Variants in GPR55 observed in about 807,000 individuals in gnomAD.
GPR55 encodes G protein-coupled receptor 55, also known as G-protein coupled receptor 55.
GPR55 carries 6 observed loss-of-function variants against 7.9 expected under a neutral mutation model. That is an observed-to-expected ratio of 0.76 (90% CI 0.41 to 1.49). GPR55 has a LOEUF of 1.49. GPR55 is among the 40% of genes most tolerant of loss of function. The pLI, the probability that GPR55 is intolerant of heterozygous loss-of-function variation, is 0.01. For missense variants in GPR55, 376 were observed against 406.0 expected (o/e 0.93, Z 0.63); for synonymous variants, 183 against 166.8 (o/e 1.10, Z -0.75).
rs561078152 is a variant in GPR55, at chr2:230,925,206, G to A, written c.-173C>T. 1 of 152,846 alleles carries A rather than the reference G, an allele frequency of 6.5e-6. No homozygotes were observed. Among genetic ancestry groups the A allele is most frequent in the Non-Finnish European group, 1.5e-5 (1 of 68,108 alleles). The allele number at this position is 152,846 out of a possible 1,614,324, so 9.5% of individuals were successfully genotyped here. A position where few individuals can be genotyped will look rare whatever the true frequency, so the allele number is the denominator to read the frequency against. ...GGTGCAGCTGAGAGGGCTGAGAGAT[G>A]TCATTTCTCCTCCAGGCCTGGCTGT... On this transcript the variant is annotated 5_prime_UTR_variant, in exon 1 of 2. Transcript: ENST00000650999.
chr2:230,947,664 A>G (rs1317191286), intron 1 of GPR55, among the ~76,000 whole-genome samples: 1 of 151,672 alleles, frequency 6.6e-6, no homozygotes, highest in Non-Finnish European at 1.5e-5. Flanking sequence ...CCACCATGCC[A>G]GGCTAATTTT....
At chr2:230,938,571 G>A (rs1301213188) in intron 1 of GPR55, among the ~76,000 whole-genome samples, 1 of 152,182 alleles carries the variant, frequency 6.6e-6, no homozygotes, top group Admixed American at 6.5e-5. Flanking sequence ...GTTTGACTGG[G>A]GCTGAGGATG....
In GPR55 at chr2:230,924,371, AGCCCAGGTGAAGCCAG is replaced by A. The variant is rs1264662175; in HGVS notation, c.-135+781_-135+796del. 2.6e-5 allele frequency among the ~76,000 whole-genome samples: 4 copies of A among 152,132 alleles called. No homozygotes were observed. Among genetic ancestry groups the A allele is most frequent in the Non-Finnish European group, 1.5e-5 (1 of 68,004 alleles). On this transcript the variant is annotated intron_variant, in intron 1 of 1. Coordinates refer to ENST00000650999, the MANE Select transcript of GPR55 (RefSeq NM_005683.4). This position sits in a 1 kb window ranked among gnomAD's most constrained non-coding sequence, Gnocchi z 4.5. The stretch of plus-strand genomic sequence containing the variant: ...ATCCCCACTGCCTCGGGCAGCACAA[AGCCCAGGTGAAGCCAG>A]GCCAGCCAGACATGTCCTGACTTTG...
intron 1 of GPR55, among the ~76,000 whole-genome samples, chr2:230,934,277 G>A (rs909272517): frequency 9.8e-5 from 15 of 152,298 alleles, no homozygotes; most frequent in African/African-American, 3.1e-4. Flanking sequence ...ATCAGGGCCA[G>A]CACCTCTCTG....
At chr2:230,912,180 G>A (rs1246891953) in intron 1 of GPR55, among the ~76,000 whole-genome samples, 4 of 152,132 alleles carry the variant, frequency 2.6e-5, no homozygotes, top group Non-Finnish European at 4.4e-5. Context: ...TAGAGCACAG[G>A]GGCATGGCAT....
chr2:230,923,237 A>G lies in GPR55; in HGVS notation c.-135+1931T>C, dbSNP rs1317860107. 6.6e-6 allele frequency among the ~76,000 whole-genome samples: 1 copy of G among 152,198 alleles called. No homozygotes were observed. Among genetic ancestry groups the G allele is most frequent in the African/African-American group, 2.4e-5 (1 of 41,446 alleles). On this transcript the variant is annotated intron_variant, in intron 1 of 1. Transcript: ENST00000650999. The surrounding 1 kb of genome is among the most constrained non-coding windows in gnomAD (Gnocchi z 4.1). ...GACTTTCCAGAGAACACAAGCAACA[A>G]GAAGATCACAACCCTAAGGAGGGTT...
intron 1 of GPR55, among the ~76,000 whole-genome samples, chr2:230,914,918 C>G (rs1227952639): frequency 6.6e-6 from 1 of 152,190 alleles, no homozygotes; most frequent in Admixed American, 6.5e-5. Context: ...GTGGGGTGAG[C>G]CTTCAGACCA....
intron 1 of GPR55, among the ~76,000 whole-genome samples, chr2:230,941,119 G>A (rs77476971): frequency 3.5e-4 from 51 of 147,748 alleles, no homozygotes; most frequent in African/African-American, 1.1e-3. Flanking sequence ...TCCATCTCCA[G>A]AAAAAAAAAA....
At chr2:230,954,914 C>G (rs765655855) in intron 1 of GPR55, among the ~76,000 whole-genome samples, 8 of 152,210 alleles carry the variant, frequency 5.3e-5, no homozygotes, top group Non-Finnish European at 1.0e-4. Context: ...TGTACTCTTT[C>G]TCCCTGAGCC....
At chr2:230,960,202 G>A (rs1015057609) in intron 1 of GPR55, among the ~76,000 whole-genome samples, 1 of 152,224 alleles carries the variant, frequency 6.6e-6, no homozygotes, top group African/African-American at 2.4e-5. Context: ...GGTCAGGGAA[G>A]GCTGAGCCTT....
At chr2:230,960,741 A>G (rs1048611872) in intron 1 of GPR55, 5 of 152,210 alleles carry the variant, frequency 3.3e-5, no homozygotes, top group Admixed American at 6.5e-5. Context: ...CTAAAAATAG[A>G]AGAGACAGAG....
chr2:230,924,144 C>T lies in GPR55; in HGVS notation c.-135+1024G>A, dbSNP rs946002023. On this transcript the variant is annotated intron_variant, in intron 1 of 1. Coordinates refer to ENST00000650999, the MANE Select transcript of GPR55 (RefSeq NM_005683.4). This position sits in a 1 kb window ranked among gnomAD's most constrained non-coding sequence, Gnocchi z 4.5. The stretch of plus-strand genomic sequence containing the variant: ...ACCATGTCCCTTTCACCTTTATCAC[C>T]GAGCCTCACATACAGTTTGTCGTTG... Among the ~76,000 whole-genome samples, 2 of 152,084 alleles carry T rather than the reference C, an allele frequency of 1.3e-5. No homozygotes were observed. Among genetic ancestry groups the T allele is most frequent in the South Asian group, 2.1e-4 (1 of 4,812 alleles).
intron 1 of GPR55, among the ~76,000 whole-genome samples, chr2:230,949,423 A>G (rs1007361401): frequency 2.6e-5 from 4 of 152,176 alleles, no homozygotes; most frequent in Non-Finnish European, 5.9e-5. Context: ...TGGCCTCCCA[A>G]TGTGCTGAGA....
intron 1 of GPR55, among the ~76,000 whole-genome samples, chr2:230,947,215 A>G (rs1419007190): frequency 6.6e-6 from 1 of 152,306 alleles, no homozygotes; most frequent in Admixed American, 6.5e-5. Flanking sequence ...CCCCTTGGTC[A>G]GCACCACCAG....
chr2:230,946,596 G>A (rs996223450), intron 1 of GPR55, among the ~76,000 whole-genome samples: 17 of 152,210 alleles, frequency 1.1e-4, no homozygotes, highest in Admixed American at 2.6e-4. Flanking sequence ...AAGATGCCAC[G>A]AGGTCAGTGT....
chr2:230,948,131 C>T (rs1234445469), intron 1 of GPR55, among the ~76,000 whole-genome samples: 1 of 151,956 alleles, frequency 6.6e-6, no homozygotes, highest in Non-Finnish European at 1.5e-5. Flanking sequence ...ACAGCTTCCT[C>T]CCTTGGTGAG....
chr2:230,954,916 C>T (rs1691457157), intron 1 of GPR55, among the ~76,000 whole-genome samples: 1 of 152,228 alleles, frequency 6.6e-6, no homozygotes, highest in Non-Finnish European at 1.5e-5. Context: ...TACTCTTTCT[C>T]CCTGAGCCTG....
chr2:230,947,125 A>G (rs1027546306), intron 1 of GPR55, among the ~76,000 whole-genome samples: 6 of 152,214 alleles, frequency 3.9e-5, no homozygotes, highest in Non-Finnish European at 8.8e-5. Context: ...AGAAAGAGCC[A>G]TTAGCTGACA....
At chr2:230,916,581 G>A (rs112715424) in intron 1 of GPR55, among the ~76,000 whole-genome samples, 3,655 of 152,150 alleles carry the variant, frequency 0.024, 98 homozygotes, top group Middle Eastern at 0.065. Context: ...TTTTAATATT[G>A]CGGATAAATT....
Sources: gnomAD v4.1 joint callset for allele counts (sites outside exome capture counted in the v4.1 genomes callset) on GRCh38, gnomAD v4.1.1 for gene constraint, Gnocchi (gnomAD v3.1) non-coding constraint, MANE v1.5 for transcripts, NCBI Gene and HGNC (gene_info 2026-07-23, HGNC 2026-07-21) for gene names.